COP1: variants seen among roughly 807,000 people sequenced by gnomAD.
COP1 encodes the protein COP1 E3 ubiquitin ligase.
A neutral mutation model predicts 101.3 loss-of-function variants in COP1; 24 were observed. The ratio of observed to expected loss-of-function variants is 0.24; its 90% CI spans 0.17 to 0.33. The LOEUF (loss-of-function observed/expected upper bound fraction) is 0.33, where lower values mean the gene tolerates loss of function less well. Among genes scored for constraint, COP1 ranks in the 10% least tolerant of loss-of-function variants. The pLI is 1.00. For synonymous variants in COP1, 347 were observed against 341.9 expected, an observed-to-expected ratio of 1.01 and a Z score of -0.17; for missense variants, 663 against 906.2, an observed-to-expected ratio of 0.73 and a Z score of 3.45.
chr1:176,088,860 T>C (rs1680715702), intron 9 of COP1, among the ~76,000 whole-genome samples: 1 of 151,726 alleles, frequency 6.6e-6, no homozygotes, highest in Non-Finnish European at 1.5e-5. Flanking sequence ...CCAGGCATCG[T>C]GGTGCATGCC....
chr1:175,987,462 ATATAT>A (rs1370787223), intron 17 of COP1, among the ~76,000 whole-genome samples: 2 of 152,182 alleles, frequency 1.3e-5, no homozygotes, highest in African/African-American at 2.4e-5. Flanking sequence ...AGAACCAGAA[ATATAT>A]TATAAGAATC....
At chr1:176,121,514 T>TTGTC (rs1687115501) in intron 8 of COP1, among the ~76,000 whole-genome samples, 2 of 151,582 alleles carry the variant, frequency 1.3e-5, no homozygotes, top group Non-Finnish European at 2.9e-5. Flanking sequence ...TAAATGTCGT[T>TTGTC]TTTTATTTTT....
At chr1:176,023,718 C>CAAAAAAAA (rs759455090) in intron 15 of COP1, among the ~76,000 whole-genome samples, 4 of 122,090 alleles carry the variant, frequency 3.3e-5, no homozygotes, top group South Asian at 2.5e-4. Flanking sequence ...AACTCCATCT[C>CAAAAAAAA]AAAAAAAAAA....
intron 11 of COP1, among the ~76,000 whole-genome samples, chr1:176,058,185 G>GT (rs765361938): frequency 1.3e-3 from 117 of 92,128 alleles, no homozygotes; most frequent in East Asian, 6.6e-3. Flanking sequence ...CGGTAGGGAG[G>GT]GGGGGGGTCA....
intron 11 of COP1, among the ~76,000 whole-genome samples, chr1:176,051,720 G>A (rs1209125860): frequency 1.3e-5 from 2 of 152,126 alleles, no homozygotes; most frequent in Admixed American, 1.3e-4. Context: ...ATGTGGAAGA[G>A]ATCACAGTGA....
intron 14 of COP1, among the ~76,000 whole-genome samples, chr1:176,035,971 A>G (rs759559438): frequency 6.6e-6 from 1 of 152,126 alleles, no homozygotes; most frequent in Non-Finnish European, 1.5e-5. Context: ...ATGATTTCTG[A>G]AAATTTTAAG....
At chr1:175,987,368 C>A (rs1657369880) in intron 17 of COP1, among the ~76,000 whole-genome samples, 1 of 152,074 alleles carries the variant, frequency 6.6e-6, no homozygotes, top group Non-Finnish European at 1.5e-5. Context: ...CCTATAAAAT[C>A]ATTTATAGAG....
At chr1:176,192,649 A>C (rs1699235265) in intron 1 of COP1, among the ~76,000 whole-genome samples, 1 of 152,164 alleles carries the variant, frequency 6.6e-6, no homozygotes, top group African/African-American at 2.4e-5. Flanking sequence ...ATCACAGGCC[A>C]ATCAACTGGG....
At chr1:175,959,743 A>C (rs989778673) in intron 18 of COP1, among the ~76,000 whole-genome samples, 3 of 152,138 alleles carry the variant, frequency 2.0e-5, no homozygotes, top group African/African-American at 4.8e-5. Context: ...CACACAGTAC[A>C]AAAGAGTAGG....
At chr1:176,033,314 C>A (rs1340829510) in intron 14 of COP1, among the ~76,000 whole-genome samples, 1 of 152,032 alleles carries the variant, frequency 6.6e-6, no homozygotes, top group African/African-American at 2.4e-5. Context: ...GTAACCCCAG[C>A]TACTTGGGAG....
chr1:176,006,734 T>G lies in COP1; in HGVS notation c.1730-17255A>C, dbSNP rs935721502. Among the ~76,000 whole-genome samples, 110 of 152,190 alleles carry G rather than the reference T, an allele frequency of 7.2e-4. 1 individual carries two copies. Among genetic ancestry groups the G allele is most frequent in the Admixed American group, 2.6e-3 (40 of 15,278 alleles). On this transcript the variant is annotated intron_variant, in intron 15 of 19. Transcript: ENST00000367669. ...GAGAGATCCGCTGTTAGTCTGATGG[T>G]CTTCCCTTTGTAGGTAACCCGACCT...
At chr1:176,155,891 AG>A (rs1172989532) in intron 5 of COP1, among the ~76,000 whole-genome samples, 1 of 152,094 alleles carries the variant, frequency 6.6e-6, no homozygotes, top group East Asian at 1.9e-4. Flanking sequence ...GCTTCTATAT[AG>A]AGCAAAACAA....
chr1:176,044,868 T>C (rs960333591), intron 12 of COP1, among the ~76,000 whole-genome samples: 3 of 152,166 alleles, frequency 2.0e-5, no homozygotes, highest in Non-Finnish European at 4.4e-5. Flanking sequence ...ACAGAACAGG[T>C]AGACAGCACA....
intron 9 of COP1, among the ~76,000 whole-genome samples, chr1:176,111,265 T>C (rs1303027159): frequency 6.6e-6 from 1 of 152,150 alleles, no homozygotes; most frequent in Non-Finnish European, 1.5e-5. Flanking sequence ...GCAAAATAAA[T>C]GCTACCTAAT....
At chr1:176,176,709 G>T (rs951553833) in intron 2 of COP1, among the ~76,000 whole-genome samples, 2 of 152,114 alleles carry the variant, frequency 1.3e-5, no homozygotes, top group African/African-American at 4.8e-5. Context: ...CTGGGAGGGT[G>T]AGGCAGGAGG....
At chr1:176,111,294 T>G (rs879111559) in intron 9 of COP1, among the ~76,000 whole-genome samples, 4 of 152,118 alleles carry the variant, frequency 2.6e-5, no homozygotes, top group Admixed American at 6.5e-5. Flanking sequence ...TTATTTTTAT[T>G]TATTTTTTGT....
intron 9 of COP1, among the ~76,000 whole-genome samples, chr1:176,104,038 T>C (rs1379373697): frequency 6.6e-6 from 1 of 152,040 alleles, no homozygotes; most frequent in African/African-American, 2.4e-5. Context: ...AAACATATCA[T>C]AAAGCGTCTA....
intron 10 of COP1, among the ~76,000 whole-genome samples, chr1:176,081,530 C>T (rs886441332): frequency 6.6e-6 from 1 of 151,574 alleles, no homozygotes; most frequent in Non-Finnish European, 1.5e-5. Context: ...GCAATAATTC[C>T]TTGGAAAAAA....
Position 176,099,709 on chromosome 1 carries a change from G to C in COP1, c.1027-13819C>G, listed in dbSNP as rs1683051297. 3.3e-5 allele frequency among the ~76,000 whole-genome samples: 5 copies of C among 152,178 alleles called. No individual in the cohort carries two copies. The South Asian group carries it at 1.0e-3, about 31-fold the overall frequency. On this transcript the variant is annotated intron_variant, in intron 9 of 19. Coordinates refer to ENST00000367669, the MANE Select transcript of COP1 (RefSeq NM_022457.7). ...TGAAGGGTATGCTTCCCTTTAAGGA[G>C]TCAAGCTCGACTTGCAGAGCCAATA...
Sources: allele counts gnomAD v4.1 joint callset (sites outside exome capture counted in the v4.1 genomes callset), GRCh38; gene constraint gnomAD v4.1.1; transcripts MANE v1.5; gene names NCBI Gene and HGNC (gene_info 2026-07-23, HGNC 2026-07-21).